The following CORO2B variants were observed in gnomAD, a reference collection of about 807,000 sequenced individuals.
CORO2B encodes the protein coronin-2B.
Under a neutral mutation model 58.8 loss-of-function variants are expected in CORO2B, and 26 were observed. The ratio of observed to expected loss-of-function variants is 0.44; its 90% CI spans 0.32 to 0.61. CORO2B has a LOEUF of 0.61. Ranked by LOEUF, CORO2B falls within the 20% of genes least tolerant of loss-of-function variation. The pLI, the probability that CORO2B is intolerant of heterozygous loss-of-function variation, is 0.04. For missense variants in CORO2B, 460 were observed against 645.1 expected (o/e 0.71, Z 3.11); for synonymous variants, 242 against 253.8 (o/e 0.95, Z 0.44).
chr15:68,674,434 G>T (rs1902507195), intron 2 of CORO2B, among the ~76,000 whole-genome samples: 1 of 152,252 alleles, frequency 6.6e-6, no homozygotes, highest in South Asian at 2.1e-4. Flanking sequence ...TGTGCCCTGG[G>T]TCTTCAGGTG....
chr15:68,586,877 C>T (rs745792480), intron 1 of CORO2B, among the ~76,000 whole-genome samples: 31 of 152,116 alleles, frequency 2.0e-4, no homozygotes, highest in Non-Finnish European at 3.2e-4. Flanking sequence ...TCCTGGCTCT[C>T]AGGCAGGAGG....
chr15:68,671,217 A>C (rs1044203699), intron 2 of CORO2B, among the ~76,000 whole-genome samples: 3 of 152,226 alleles, frequency 2.0e-5, no homozygotes, highest in Non-Finnish European at 4.4e-5. Flanking sequence ...ACCACGACAT[A>C]ATAGGAATTA....
intron 2 of CORO2B, among the ~76,000 whole-genome samples, chr15:68,693,083 C>T (rs1303827811): frequency 6.6e-6 from 1 of 152,222 alleles, no homozygotes; most frequent in Non-Finnish European, 1.5e-5. Context: ...TTTCCCACAA[C>T]ATACAACATC....
At chr15:68,724,809 A>G (rs1405172325) in intron 11 of CORO2B, among the ~76,000 whole-genome samples, 1 of 152,216 alleles carries the variant, frequency 6.6e-6, no homozygotes, top group Non-Finnish European at 1.5e-5. Context: ...TCAGGTGTGC[A>G]GGAGCCTCAA....
intron 2 of CORO2B, among the ~76,000 whole-genome samples, chr15:68,656,788 T>TG (rs1901820544): frequency 6.6e-6 from 1 of 152,232 alleles, no homozygotes; most frequent in African/African-American, 2.4e-5. Flanking sequence ...AACTGATCTG[T>TG]GCCTCAGTTT....
chr15:68,549,905 CG>C, the CORO2B span, among the ~76,000 whole-genome samples: 1 of 151,272 alleles, frequency 6.6e-6, no homozygotes, highest in African/African-American at 2.4e-5. Flanking sequence ...TGTGCCACTG[CG>C]CTCCAGCCTG....
At chr15:68,699,653 C>T (rs1467760236) in intron 3 of CORO2B, among the ~76,000 whole-genome samples, 1 of 152,188 alleles carries the variant, frequency 6.6e-6, no homozygotes, top group African/African-American at 2.4e-5. Flanking sequence ...TCCACCCCTC[C>T]CCGCCTTGGA....
chr15:68,719,634 G>A, intron 11 of CORO2B, 82 bp downstream of exon 11: 1 of 1,458,184 alleles, frequency 6.9e-7, no homozygotes, highest in Non-Finnish European at 9.2e-7. Flanking sequence ...AGGCCTTTAA[G>A]CCAGTTCCAT....
At chr15:68,577,105 G>A (rs117504253), upstream of CORO2B, among the ~76,000 whole-genome samples, 2 of 152,104 alleles carry the variant, frequency 1.3e-5, no homozygotes, top group Admixed American at 6.5e-5. Flanking sequence ...CAGAGGAGAC[G>A]CCTGAGGTCT....
the CORO2B span, among the ~76,000 whole-genome samples, chr15:68,564,536 T>A: frequency 2.0e-5 from 3 of 152,288 alleles, no homozygotes; most frequent in African/African-American, 7.2e-5. Context: ...GGTCTCAAAC[T>A]CCTAGGCTCA....
the CORO2B span, among the ~76,000 whole-genome samples, chr15:68,541,277 A>G: frequency 2.0e-5 from 3 of 152,098 alleles, no homozygotes; most frequent in East Asian, 3.9e-4. Context: ...TTAACATCTT[A>G]TAACTAAGGA....
chr15:68,632,328 A>T (rs1179427673), intron 1 of CORO2B: 13 of 985,330 alleles, frequency 1.3e-5, no homozygotes, highest in Non-Finnish European at 1.6e-5. Flanking sequence ...GGTGTCATCC[A>T]GGAGCCCCAC....
At chr15:68,652,098 G>T (rs1901661722) in intron 2 of CORO2B, among the ~76,000 whole-genome samples, 1 of 152,176 alleles carries the variant, frequency 6.6e-6, no homozygotes, top group Non-Finnish European at 1.5e-5. Context: ...CCCCAAGCCA[G>T]CTCACTTATT....
At chr15:68,582,735 G>A (rs1381460534) in intron 1 of CORO2B, among the ~76,000 whole-genome samples, 2 of 152,204 alleles carry the variant, frequency 1.3e-5, no homozygotes, top group African/African-American at 4.8e-5. Flanking sequence ...ACTGCTCAGA[G>A]GCCCTTTAGG....
intron 1 of CORO2B, among the ~76,000 whole-genome samples, chr15:68,581,199 A>C (rs1339684797): frequency 6.6e-6 from 1 of 152,072 alleles, no homozygotes; most frequent in Non-Finnish European, 1.5e-5. Flanking sequence ...GTAACTATTC[A>C]ACACTCCTCC....
chr15:68,689,257 G>T (rs11856582), intron 2 of CORO2B, among the ~76,000 whole-genome samples: 39,720 of 151,696 alleles, frequency 0.26, 5,531 homozygotes, highest in African/African-American at 0.34. Context: ...CAAGGTCTCT[G>T]CCCCAGCTCT....
chr15:68,698,759 A>G (rs1892572874), intron 3 of CORO2B, among the ~76,000 whole-genome samples: 1 of 152,052 alleles, frequency 6.6e-6, no homozygotes, highest in Non-Finnish European at 1.5e-5. Flanking sequence ...GGCTGTTGTG[A>G]TGAGGATGAA....
intron 8 of CORO2B, among the ~76,000 whole-genome samples, chr15:68,717,267 T>G (rs368682108): frequency 1.4e-5 from 2 of 147,686 alleles, no homozygotes; most frequent in South Asian, 4.3e-4. Flanking sequence ...TGAGCTAAGA[T>G]CACACCACTG....
At chr15:68,543,390 T>A in the CORO2B span, among the ~76,000 whole-genome samples, 2 of 152,128 alleles carry the variant, frequency 1.3e-5, no homozygotes, top group Non-Finnish European at 2.9e-5. Context: ...TCATAGTCAC[T>A]ATCAGCATCA....
Sources: allele counts gnomAD v4.1 joint callset (sites outside exome capture counted in the v4.1 genomes callset), GRCh38; gene constraint gnomAD v4.1.1; transcripts MANE v1.5; gene names NCBI Gene and HGNC (gene_info 2026-07-23, HGNC 2026-07-21).